Variants in EYS observed in about 807,000 individuals in gnomAD.
EYS encodes the protein protein eyes shut homolog.
A neutral mutation model predicts 282.1 loss-of-function variants in EYS; 250 were observed. The observed-to-expected ratio is 0.89, with a 90% CI of 0.80 to 0.98. EYS has a LOEUF of 0.98. Among genes scored for constraint, EYS ranks in the 50% least tolerant of loss-of-function variants. EYS has a pLI of 0.00. For synonymous variants in EYS, 1,355 were observed against 1,282.9 expected (o/e 1.06, Z -1.20); for missense variants, 4,016 against 3,709.0 (o/e 1.08, Z -2.15).
Position 65,297,855 on chromosome 6 carries a change from T to G in EYS, c.1767-1736A>C, listed in dbSNP as rs561820922. On this transcript the variant is annotated intron_variant, in intron 11 of 42. Transcript: ENST00000503581. ...ACAACTGCCACATGGCAAAAAATTGTTGGCCTGTGCTAGGCCTTGTTTAAC... is the reference window on the plus strand; with the variant it reads ...ACAACTGCCACATGGCAAAAAATTGGTGGCCTGTGCTAGGCCTTGTTTAAC... Among the ~76,000 whole-genome samples, 8 of 152,236 alleles carry G rather than the reference T, an allele frequency of 5.3e-5. No individual in the cohort carries two copies. The East Asian group carries it at 1.3e-3, about 26-fold the overall frequency.
At chr6:64,905,262 T>A (rs1767786808) in intron 16 of EYS, among the ~76,000 whole-genome samples, 1 of 152,200 alleles carries the variant, frequency 6.6e-6, no homozygotes, top group Non-Finnish European at 1.5e-5. Context: ...TATTCTATAA[T>A]CCTTAATGTT....
intron 31 of EYS, among the ~76,000 whole-genome samples, chr6:64,131,393 A>T (rs1434229504): frequency 1.3e-5 from 2 of 152,040 alleles, no homozygotes; most frequent in African/African-American, 4.8e-5. Context: ...TTGCTTGCTC[A>T]AAATAATGTG....
chr6:65,542,805 T>A (rs1232162912), intron 2 of EYS, among the ~76,000 whole-genome samples: 1 of 152,116 alleles, frequency 6.6e-6, no homozygotes, highest in Non-Finnish European at 1.5e-5. Context: ...AATCTACCAA[T>A]GACTTGAATT....
chr6:64,677,061 A>T (rs1769714871), intron 22 of EYS, among the ~76,000 whole-genome samples: 2 of 152,312 alleles, frequency 1.3e-5, no homozygotes, highest in Admixed American at 6.5e-5. Context: ...TTTATCCTTA[A>T]ATACTCTAAC....
chr6:64,899,867 A>C (rs1198980624), intron 18 of EYS, among the ~76,000 whole-genome samples: 2 of 152,214 alleles, frequency 1.3e-5, no homozygotes, highest in Non-Finnish European at 2.9e-5. Flanking sequence ...TCACATTATT[A>C]GAAAAAAAAA....
chr6:64,722,052 A>G (rs1256684866), intron 22 of EYS, among the ~76,000 whole-genome samples: 1 of 152,196 alleles, frequency 6.6e-6, no homozygotes, highest in Non-Finnish European at 1.5e-5. Context: ...ACTGGGCTGT[A>G]AATGTTTCAA....
At chr6:65,099,112 A>G (rs1416475559) in intron 12 of EYS, among the ~76,000 whole-genome samples, 4 of 150,696 alleles carry the variant, frequency 2.7e-5, no homozygotes, top group African/African-American at 9.7e-5. Flanking sequence ...ATAAACACAC[A>G]CACACCTATC....
intron 41 of EYS, among the ~76,000 whole-genome samples, chr6:63,736,929 G>A (rs1430604599): frequency 3.9e-5 from 6 of 152,184 alleles, no homozygotes; most frequent in African/African-American, 7.2e-5. Flanking sequence ...ATTTTTATAC[G>A]TTGATTTTGT....
intron 29 of EYS, among the ~76,000 whole-genome samples, chr6:64,383,951 C>CT (rs1348628396): frequency 6.6e-6 from 1 of 152,152 alleles, no homozygotes; most frequent in African/African-American, 2.4e-5. Flanking sequence ...TATAATGTCT[C>CT]TAACTTGATA....
At chr6:64,120,934 T>G (rs1349376425) in intron 31 of EYS, among the ~76,000 whole-genome samples, 1 of 152,164 alleles carries the variant, frequency 6.6e-6, no homozygotes, top group Non-Finnish European at 1.5e-5. Context: ...GCTCACTGAT[T>G]ATTGGCAAAT....
At chr6:65,036,146 C>A (rs9363325) in intron 13 of EYS, among the ~76,000 whole-genome samples, 10,357 of 151,402 alleles carry the variant, frequency 0.068, 453 homozygotes, top group East Asian at 0.13. Flanking sequence ...AGACCAATGG[C>A]ATAGAATACA....
chr6:64,436,697 C>T (rs541496822), intron 27 of EYS, among the ~76,000 whole-genome samples: 2 of 151,924 alleles, frequency 1.3e-5, no homozygotes, highest in East Asian at 3.9e-4. Context: ...GAAAACTAAC[C>T]ATTCATTCCA....
chr6:65,031,429 T>C (rs1348988039), intron 13 of EYS, among the ~76,000 whole-genome samples: 2 of 152,072 alleles, frequency 1.3e-5, no homozygotes, highest in African/African-American at 4.8e-5. Context: ...AGAATATATA[T>C]TCTTCTCATT....
intron 30 of EYS, among the ~76,000 whole-genome samples, chr6:64,286,624 A>G (rs1186761661): frequency 1.3e-5 from 2 of 152,180 alleles, no homozygotes; most frequent in Admixed American, 1.3e-4. Flanking sequence ...TTTGAATTGG[A>G]AAATAGAAAC....
chr6:64,629,661 G>A (rs1430981095), intron 22 of EYS, among the ~76,000 whole-genome samples: 1 of 151,924 alleles, frequency 6.6e-6, no homozygotes, highest in Non-Finnish European at 1.5e-5. Context: ...TTTGTTTTGT[G>A]TTTCTTCTTT....
chr6:63,736,307 C>CT (rs1464482029), intron 41 of EYS, among the ~76,000 whole-genome samples: 1 of 152,204 alleles, frequency 6.6e-6, no homozygotes, highest in Non-Finnish European at 1.5e-5. Flanking sequence ...CTACATATGA[C>CT]TAGCCAGTTT....
At chr6:64,019,695 C>T (rs148885550) in intron 33 of EYS, among the ~76,000 whole-genome samples, 2,078 of 152,032 alleles carry the variant, frequency 0.014, 43 homozygotes, top group African/African-American at 0.047. Flanking sequence ...AGGCATGAGC[C>T]ACCACGCTCA....
chr6:64,071,481 T>C (rs2149859588), intron 32 of EYS, among the ~76,000 whole-genome samples: 1 of 151,772 alleles, frequency 6.6e-6, no homozygotes, highest in Non-Finnish European at 1.5e-5. Context: ...AATTGTTTCT[T>C]GAACTTGTTA....
intron 31 of EYS, among the ~76,000 whole-genome samples, chr6:64,226,889 A>G (rs1766267614): frequency 6.6e-6 from 1 of 152,076 alleles, no homozygotes; most frequent in Non-Finnish European, 1.5e-5. Flanking sequence ...TACTGGATCT[A>G]GTGCTATTTT....
Sources: allele counts gnomAD v4.1 joint callset (sites outside exome capture counted in the v4.1 genomes callset), GRCh38; gene constraint gnomAD v4.1.1; transcripts MANE v1.5; gene names NCBI Gene and HGNC (gene_info 2026-07-23, HGNC 2026-07-21).